TATDN3: variants seen among roughly 807,000 people sequenced by gnomAD.
TATDN3 encodes deoxyribonuclease TATDN3.
A neutral mutation model predicts 40.1 loss-of-function variants in TATDN3; 29 were observed. The ratio of observed to expected loss-of-function variants is 0.72; its 90% CI spans 0.54 to 0.99. The LOEUF is 0.99. Ranked by LOEUF, TATDN3 falls within the 50% of genes least tolerant of loss-of-function variation. The probability of loss-of-function intolerance (pLI) is 0.00; values close to 1 mark genes in which losing one functional copy is unlikely to be tolerated. For synonymous variants in TATDN3, 105 were observed against 117.0 expected, an observed-to-expected ratio of 0.90 and a Z score of 0.66; for missense variants, 309 against 321.9, an observed-to-expected ratio of 0.96 and a Z score of 0.31.
chr1:212,802,462 G>T (rs1000957522), intron 4 of TATDN3, among the ~76,000 whole-genome samples: 1 of 152,124 alleles, frequency 6.6e-6, no homozygotes. Flanking sequence ...TTTAAGTGGC[G>T]CTCTTCATAA....
At position 212,815,017 on chromosome 1, in the gene TATDN3, G is replaced by C; in HGVS notation, c.686G>C (p.Arg229Pro). 6.2e-7 allele frequency: 1 copy of C among 1,612,218 alleles called. No homozygotes were observed. The highest frequency in any genetic ancestry group is 2.2e-5 in the East Asian group (1 of 44,816). The change falls in exon 10 of 10, where the codon CGG becomes CCG. Residue 229 changes from arginine to proline, a missense_variant. Arg to Pro is a moderately radical substitution (Grantham distance 103). Coordinates refer to ENST00000366974, the MANE Select transcript of TATDN3 (RefSeq NM_001042552.3). Reference sequence around the variant, plus strand: ...GTGTCTGCTGTCTTGTTTCAGGTACGGAATGAGCCCTGGAACATTTCTATT... The same window carrying C: ...GTGTCTGCTGTCTTGTTTCAGGTACCGAATGAGCCCTGGAACATTTCTATT... ...SPALGPEKQVRNEPWNISISA... is the reference protein window; with the variant it reads ...SPALGPEKQVPNEPWNISISA...
At chr1:212,812,502 C>T (rs923423324) in intron 9 of TATDN3, among the ~76,000 whole-genome samples, 174 bp downstream of exon 9, 6 of 152,054 alleles carry the variant, frequency 3.9e-5, no homozygotes, top group Non-Finnish European at 8.8e-5. Flanking sequence ...TGTTGCACTC[C>T]AGAGAATATT....
rs560614099 is a variant in TATDN3 at position 212,798,425 on chromosome 1, G to A, written c.258+1229G>A. On this transcript the variant is annotated intron_variant, in intron 4 of 9. Transcript: ENST00000366974. ...CAAAATAAAATTCATGACCAGGCAT[G>A]GTGGCTCACACCTGTAATCCTAACA... Among the ~76,000 whole-genome samples, 2 of 151,082 alleles carry A rather than the reference G, an allele frequency of 1.3e-5. 1 individual carries two copies. The highest frequency in any genetic ancestry group is 4.9e-5 in the African/African-American group (2 of 41,220).
rs367546111 is a variant in TATDN3, at chr1:212,802,685, A to C, written c.259-16A>C. ...TCCTTTCTTCCATTTTAACAATTTT[A>C]CTTTTTTTCTCCCAGGATTTGGATG... On this transcript the variant is annotated splice_polypyrimidine_tract_variant and intron_variant, in intron 4 of 9. Transcript: ENST00000366974. The C allele has an allele frequency of 5.0e-5, 79 of 1,586,594 alleles. No homozygotes were observed. The highest frequency in any genetic ancestry group is 6.5e-5 in the Non-Finnish European group (75 of 1,155,258).
chr1:212,811,716 T>A (rs570992237), intron 8 of TATDN3, among the ~76,000 whole-genome samples: 146 of 151,906 alleles, frequency 9.6e-4, no homozygotes, highest in African/African-American at 3.4e-3. Context: ...TATTATTTTT[T>A]TTTTGAGATG....
intron 7 of TATDN3, among the ~76,000 whole-genome samples, chr1:212,805,443 A>C (rs1165569012): frequency 3.4e-5 from 5 of 145,200 alleles, no homozygotes; most frequent in Admixed American, 6.9e-5. Context: ...TTTAGTAGAG[A>C]TGGGGTTTCA....
chr1:212,792,019 C>T, intron 1 of TATDN3, 32 bp downstream of exon 1: 1 of 1,606,258 alleles, frequency 6.2e-7, no homozygotes. Flanking sequence ...CCAGAGGGAG[C>T]AGGGAGGCCC....
At chr1:212,804,766 G>C (rs1428194742) in intron 7 of TATDN3, 115 bp downstream of exon 7, 3 of 841,786 alleles carry the variant, frequency 3.6e-6, no homozygotes, top group African/African-American at 1.7e-5. Context: ...GGGGCAAGAA[G>C]GGGGGCAGAA....
At chr1:212,796,056 T>C (rs1444284527) in intron 2 of TATDN3, among the ~76,000 whole-genome samples, 4 of 152,240 alleles carry the variant, frequency 2.6e-5, no homozygotes, top group Non-Finnish European at 1.5e-5. Context: ...CTGAGATGTT[T>C]TGATTTGCTT....
rs976348024 is a variant in TATDN3 at position 212,808,621 on chromosome 1, A to T, written c.600+773A>T. 7.9e-5 allele frequency among the ~76,000 whole-genome samples: 12 copies of T among 152,204 alleles called. No homozygotes were observed. In the South Asian group the frequency reaches 1.2e-3, roughly 16 times the overall value. ...AGCACCATTACAACTCAATAAAAAGACAAATAACCTGATTAAAATATGTGC... is the reference window on the plus strand; with the variant it reads ...AGCACCATTACAACTCAATAAAAAGTCAAATAACCTGATTAAAATATGTGC... On this transcript the variant is annotated intron_variant, in intron 8 of 9. Transcript: ENST00000366974.
chr1:212,792,287 A>C (rs1571939511), intron 1 of TATDN3, among the ~76,000 whole-genome samples: 1 of 150,380 alleles, frequency 6.6e-6, no homozygotes. Flanking sequence ...CGGGGCTCTC[A>C]CCTCCTGGCT....
chr1:212,814,988 C>T (rs765453912), intron 9 of TATDN3, 25 bp from the exon 10 acceptor site: 4 of 1,600,880 alleles, frequency 2.5e-6, no homozygotes, highest in Non-Finnish European at 3.4e-6. Flanking sequence ...TCATGTTTGA[C>T]ATGGTGTCTG....
chr1:212,797,261 ATCC>A, intron 4 of TATDN3, 65 bp downstream of exon 4: 2 of 1,169,490 alleles, frequency 1.7e-6, no homozygotes, highest in South Asian at 1.3e-5. Flanking sequence ...TGACTCAGTA[ATCC>A]TCCTCTTTCT....
intron 8 of TATDN3, among the ~76,000 whole-genome samples, chr1:212,809,074 A>G (rs1222344491): frequency 6.6e-6 from 1 of 152,264 alleles, no homozygotes; most frequent in Non-Finnish European, 1.5e-5. Context: ...ATGCTACAGC[A>G]TGGATGAACC....
At chr1:212,798,333 A>AAAT (rs1170222700) in intron 4 of TATDN3, among the ~76,000 whole-genome samples, 2 of 151,940 alleles carry the variant, frequency 1.3e-5, no homozygotes, top group East Asian at 1.9e-4. Context: ...CTCAAAAAAA[A>AAAT]AATAATAATA....
intron 9 of TATDN3, 83 bp from the exon 10 acceptor site, chr1:212,814,930 C>T: frequency 2.8e-6 from 4 of 1,439,414 alleles, no homozygotes; most frequent in Non-Finnish European, 3.7e-6. Context: ...TTTTTACCAA[C>T]TCATTTTCTT....
intron 4 of TATDN3, among the ~76,000 whole-genome samples, chr1:212,798,693 C>T (rs1473127463): frequency 6.6e-6 from 1 of 152,146 alleles, no homozygotes; most frequent in African/African-American, 2.4e-5. Context: ...GCACTTCTTT[C>T]ATTTATGTGG....
At chr1:212,803,118 A>C (rs1662262359) in intron 5 of TATDN3, among the ~76,000 whole-genome samples, 1 of 151,916 alleles carries the variant, frequency 6.6e-6, no homozygotes, top group South Asian at 2.1e-4. Context: ...TAGAGTTTGT[A>C]ATTAAAGAAC....
intron 9 of TATDN3, among the ~76,000 whole-genome samples, chr1:212,812,956 G>A (rs554480147): frequency 2.0e-5 from 3 of 151,970 alleles, no homozygotes; most frequent in South Asian, 2.1e-4. Flanking sequence ...GCAGTGAGCC[G>A]AGATTGCACC....
Sources: allele counts gnomAD v4.1 joint callset (sites outside exome capture counted in the v4.1 genomes callset), GRCh38; gene constraint gnomAD v4.1.1; transcripts MANE v1.5; gene names NCBI Gene and HGNC (gene_info 2026-07-23, HGNC 2026-07-21).